Variants in USP36 observed in about 807,000 individuals in gnomAD.
USP36 encodes ubiquitin carboxyl-terminal hydrolase 36.
A neutral mutation model predicts 111.5 loss-of-function variants in USP36; 59 were observed. That is an observed-to-expected ratio of 0.53 (90% CI 0.43 to 0.66). The LOEUF is 0.66. Among genes scored for constraint, USP36 ranks in the 30% least tolerant of loss-of-function variants. The pLI, the probability that USP36 is intolerant of heterozygous loss-of-function variation, is 0.00. For missense variants in USP36, 1,488 were observed against 1,468.0 expected, an observed-to-expected ratio of 1.01 and a Z score of -0.22; for synonymous variants, 628 against 581.0, an observed-to-expected ratio of 1.08 and a Z score of -1.16.
At chr17:78,795,157 T>C (rs1224349711), downstream of USP36, among the ~76,000 whole-genome samples, 1 of 152,162 alleles carries the variant, frequency 6.6e-6, no homozygotes, top group Non-Finnish European at 1.5e-5. The surrounding 1 kb of genome is among the most constrained non-coding windows in gnomAD (Gnocchi z 4.5). Context: ...AGACACAGCC[T>C]GGCTGGCAGG....
At chr17:78,819,768 G>A (rs1251563819) in intron 9 of USP36, among the ~76,000 whole-genome samples, 162 bp downstream of exon 9, 1 of 152,226 alleles carries the variant, frequency 6.6e-6, no homozygotes, top group East Asian at 1.9e-4. Context: ...TGCTTCATTC[G>A]TGTTATTTAG....
chr17:78,820,992 C>G lies in USP36; in HGVS notation c.827G>C (p.Arg276Pro), dbSNP rs751555738. 4 of 1,607,478 alleles carry G rather than the reference C, an allele frequency of 2.5e-6. No homozygotes were observed. The highest frequency in any genetic ancestry group is 3.4e-6 in the Non-Finnish European group (4 of 1,176,976). Residue 276 changes from arginine to proline, a missense_variant and splice_region_variant, in exon 8 of 21, where the codon CGG becomes CCG. Transcript: ENST00000449938. ...GTGAAGGGCAGGACAGATCTGTACC[C>G]GGATCTCCAGCGCGACGTCCAAGTA... Reference protein sequence around the residue: ...DPYLDVALEIRQAANIVRALE... With the variant: ...DPYLDVALEIPQAANIVRALE...
chr17:78,835,151 T>C (rs1022743065), intron 4 of USP36, 129 bp downstream of exon 4: 5 of 952,050 alleles, frequency 5.3e-6, no homozygotes, highest in African/African-American at 3.3e-5. Flanking sequence ...TTAGGTTTCA[T>C]CAGTTACTAT....
intron 13 of USP36, among the ~76,000 whole-genome samples, chr17:78,809,946 A>G (rs1249753027): frequency 6.6e-6 from 1 of 152,096 alleles, no homozygotes; most frequent in East Asian, 1.9e-4. Context: ...TCCCGGGTTC[A>G]AGCGATTCTC....
chr17:78,818,149 A>C lies in USP36; in HGVS notation c.1023+518T>G, dbSNP rs543828196. Among the ~76,000 whole-genome samples, 3 of 152,276 alleles carry C rather than the reference A, an allele frequency of 2.0e-5. No individual in the cohort carries two copies. The East Asian group carries it at 5.8e-4, about 29-fold the overall frequency. Reference sequence around the variant, plus strand: ...CAAAAGTAGTTTTTCTAAACTCCATATTTCATAAAAAGCCAGAGCATGCAA... The same window carrying C: ...CAAAAGTAGTTTTTCTAAACTCCATCTTTCATAAAAAGCCAGAGCATGCAA... On this transcript the variant is annotated intron_variant, in intron 10 of 20. Transcript: ENST00000449938.
In USP36 at chr17:78,798,426, G is replaced by A; in HGVS notation, c.3366C>T (p.Arg1122=). ...TCCTTCCACAGGGGCACAGTCAGCG[G>A]CGATAGCTGAGGCTGGCAGCCTTTG... The part of the protein sequence containing the change: ...HPAKAASLSY[R]R Residue 1122 remains arginine (R), a synonymous_variant, in exon 20 of 21, where the codon CGC becomes CGT. Coordinates refer to ENST00000449938, the MANE Select transcript of USP36 (RefSeq NM_001385174.1). The surrounding 1 kb of genome is among the most constrained non-coding windows in gnomAD (Gnocchi z 5.1). The A allele has an allele frequency of 3.7e-6, 6 of 1,614,140 alleles. No homozygotes were observed. The highest frequency in any genetic ancestry group is 5.1e-6 in the Non-Finnish European group (6 of 1,180,032).
At position 78,798,213 on chromosome 17, in the gene USP36, C is replaced by T. The variant is rs552433681; in HGVS notation, c.*20+187G>A. 6.2e-4 allele frequency: 431 copies of T among 700,334 alleles called. No homozygotes were observed. The highest frequency in any genetic ancestry group is 7.7e-4 in the Non-Finnish European group (329 of 428,954). 43.4% of individuals were successfully genotyped at this position (700,334 alleles called of 1,614,324 possible). On this transcript the variant is annotated intron_variant, in intron 20 of 20. Coordinates refer to ENST00000449938, the MANE Select transcript of USP36 (RefSeq NM_001385174.1). The surrounding 1 kb of genome is among the most constrained non-coding windows in gnomAD (Gnocchi z 5.1). ...CTTATACACACGCATCCCACACACA[C>T]CCTTCTCCAAGTGACTAGGACACAC...
At position 78,803,846 on chromosome 17, in the gene USP36, C is replaced by T. The variant is rs1439383558; in HGVS notation, c.2349G>A (p.Ala783=). 9.3e-6 allele frequency: 15 copies of T among 1,611,548 alleles called. No homozygotes were observed. The East Asian group carries it at 1.3e-4, about 14-fold the overall frequency. Reference sequence around the variant, plus strand: ...CAAGGTCCTCGTTGACCTGAGGCAGCGCCGTCGAGATGGAGGAGCAGCTCC... The same window carrying T: ...CAAGGTCCTCGTTGACCTGAGGCAGTGCCGTCGAGATGGAGGAGCAGCTCC... ...EPRSCSSIST[A]LPQVNEDLVS... Residue 783 remains alanine, a synonymous_variant, in exon 16 of 21, where the codon GCG becomes GCA. Coordinates refer to ENST00000449938, the MANE Select transcript of USP36 (RefSeq NM_001385174.1). The surrounding 1 kb of genome is among the most constrained non-coding windows in gnomAD (Gnocchi z 4.6).
chr17:78,821,322 G>T, intron 7 of USP36: 1 of 333,728 alleles, frequency 3.0e-6, no homozygotes, highest in Non-Finnish European at 5.6e-6. Flanking sequence ...GTACTCTCCT[G>T]CTGAGGGAGA....
intron 6 of USP36, chr17:78,826,469 A>C (rs1872122834): frequency 6.6e-6 from 1 of 152,228 alleles, no homozygotes; most frequent in African/African-American, 2.4e-5. Context: ...TCTTTCTGTA[A>C]GTCTTATTTA....
chr17:78,803,375 C>A lies in USP36; in HGVS notation c.2810+10G>T, dbSNP rs2145024993. ...GAGGTAGACAGATGCCACTTTGCTC[C>A]TGCCCTTACCTGTGCCGAAGTGGGT... On this transcript the variant is annotated intron_variant, in intron 16 of 20. Coordinates refer to ENST00000449938, the MANE Select transcript of USP36 (RefSeq NM_001385174.1). The surrounding 1 kb of genome is among the most constrained non-coding windows in gnomAD (Gnocchi z 4.6). 1 of 1,607,426 alleles carries A rather than the reference C, an allele frequency of 6.2e-7. No homozygotes were observed. The highest frequency in any genetic ancestry group is 2.2e-5 in the East Asian group (1 of 44,728).
In USP36 at chr17:78,796,315, A is replaced by T. The variant is rs978293541; in HGVS notation, c.*1585T>A. ...AACACCCCGAGAAGAAAAGGAACAT[A>T]CCCTGCCCGTGAAGGCATGTGCTTT... is the stretch of plus-strand genomic sequence containing the variant. On this transcript the variant is annotated 3_prime_UTR_variant, in exon 21 of 21. Transcript: ENST00000449938. 5 of 152,052 alleles carry T rather than the reference A, an allele frequency of 3.3e-5. No homozygotes were observed. Among genetic ancestry groups the T allele is most frequent in the African/African-American group, 1.2e-4 (5 of 41,348 alleles). The allele number at this position is 152,052 out of a possible 1,614,324, so 9.4% of individuals were successfully genotyped here.
intron 1 of USP36, 82 bp downstream of exon 1, chr17:78,840,654 C>G (rs1220739406): frequency 6.5e-6 from 1 of 152,842 alleles, no homozygotes; most frequent in Non-Finnish European, 1.5e-5. Flanking sequence ...GCCAGCCCTT[C>G]CCGCGCCCCA....
Position 78,803,985 on chromosome 17 carries a change from G to A in USP36, c.2217-7C>T. 6.4e-7 allele frequency: 1 copy of A among 1,567,386 alleles called. No individual in the cohort carries two copies. The highest frequency in any genetic ancestry group is 1.7e-5 in the Admixed American group (1 of 57,264). ...GGGAGCAGGTGACACAGCCCTGTGG[G>A]GACAGCCAGGAAACAGGGAGAGGAT... On this transcript the variant is annotated splice_region_variant and splice_polypyrimidine_tract_variant and intron_variant, in intron 15 of 20. Coordinates refer to ENST00000449938, the MANE Select transcript of USP36 (RefSeq NM_001385174.1). The surrounding 1 kb of genome is among the most constrained non-coding windows in gnomAD (Gnocchi z 4.6).
intron 9 of USP36, 83 bp downstream of exon 9, chr17:78,819,847 G>T: frequency 7.1e-7 from 1 of 1,417,314 alleles, no homozygotes; most frequent in Non-Finnish European, 9.9e-7. Flanking sequence ...CTAAGGAAGA[G>T]TGGGTGGGCA....
rs1214325799 is a variant in USP36 at position 78,836,211 on chromosome 17, G to A, written c.153C>T (p.Tyr51=). The change falls in exon 3 of 21, where the codon TAC becomes TAT. Residue 51 remains tyrosine, a synonymous_variant. Coordinates refer to ENST00000449938, the MANE Select transcript of USP36 (RefSeq NM_001385174.1). The part of the protein sequence containing the change: ...EFEPASKSFS[Y]QLEALKSKYV... Reference sequence around the variant, plus strand: ...ATTTGCTCTTTAAGGCCTCCAGCTGGTAGGAGAAGCTCTTGCTGGCTGGCT... The same window carrying A: ...ATTTGCTCTTTAAGGCCTCCAGCTGATAGGAGAAGCTCTTGCTGGCTGGCT... 3 of 1,614,176 alleles carry A rather than the reference G, an allele frequency of 1.9e-6. No individual in the cohort carries two copies. Among genetic ancestry groups the A allele is most frequent in the South Asian group, 2.2e-5 (2 of 91,082 alleles).
chr17:78,801,497 C>T (rs890864132), intron 17 of USP36, among the ~76,000 whole-genome samples: 1 of 152,238 alleles, frequency 6.6e-6, no homozygotes, highest in Non-Finnish European at 1.5e-5. Flanking sequence ...AGCTCGGCCC[C>T]CTATACCAAG....
At chr17:78,831,815 G>A (rs565850806) in intron 4 of USP36, among the ~76,000 whole-genome samples, 2 of 151,926 alleles carry the variant, frequency 1.3e-5, no homozygotes, top group East Asian at 1.9e-4. Context: ...TGGGCATGGT[G>A]CTATGAGTCT....
At chr17:78,831,328 A>C (rs982962427) in intron 4 of USP36, among the ~76,000 whole-genome samples, 2 of 151,880 alleles carry the variant, frequency 1.3e-5, no homozygotes, top group Non-Finnish European at 2.9e-5. Flanking sequence ...TTACTACAAA[A>C]GAAAATGGCC....
Sources: allele counts gnomAD v4.1 joint callset (sites outside exome capture counted in the v4.1 genomes callset), GRCh38; gene constraint gnomAD v4.1.1; non-coding constraint Gnocchi (gnomAD v3.1); transcripts MANE v1.5; gene names NCBI Gene and HGNC (gene_info 2026-07-23, HGNC 2026-07-21).